The following KCNAB1 variants were observed in gnomAD, a reference collection of about 807,000 sequenced individuals.
KCNAB1 encodes the protein potassium voltage-gated channel subfamily A regulatory beta subunit 1.
Under a neutral mutation model 64.6 loss-of-function variants are expected in KCNAB1, and 35 were observed. That is an observed-to-expected ratio of 0.54 (90% CI 0.41 to 0.72). The LOEUF (loss-of-function observed/expected upper bound fraction) is 0.72. KCNAB1 is among the 30% of genes least tolerant of loss of function. The pLI is 0.00. For missense variants in KCNAB1, 401 were observed against 512.9 expected (o/e 0.78, Z 2.11); for synonymous variants, 177 against 183.8 (o/e 0.96, Z 0.30).
intron 1 of KCNAB1, among the ~76,000 whole-genome samples, chr3:156,414,913 G>A (rs951635575): frequency 6.6e-6 from 1 of 152,144 alleles, no homozygotes; most frequent in Non-Finnish European, 1.5e-5. Context: ...ATTTTCCCTG[G>A]TCTGGTGATC....
At chr3:156,233,764 G>A (rs920121446) in intron 1 of KCNAB1, among the ~76,000 whole-genome samples, 3 of 152,004 alleles carry the variant, frequency 2.0e-5, no homozygotes, top group African/African-American at 7.2e-5. Flanking sequence ...TAAAGAGCTG[G>A]GAAGACTTGC....
intron 8 of KCNAB1, among the ~76,000 whole-genome samples, chr3:156,480,631 A>G (rs1291619841): frequency 2.0e-5 from 3 of 152,084 alleles, no homozygotes; most frequent in Non-Finnish European, 2.9e-5. Flanking sequence ...AGCATGATCC[A>G]TTAGTATCCA....
chr3:156,224,007 G>C (rs1207437074), intron 1 of KCNAB1, among the ~76,000 whole-genome samples: 1 of 152,274 alleles, frequency 6.6e-6, no homozygotes, highest in Admixed American at 6.5e-5. Context: ...GCCCACTGCA[G>C]TTGGTTGGGG....
chr3:156,528,849 A>G (rs1576981198), intron 12 of KCNAB1, among the ~76,000 whole-genome samples: 1 of 152,322 alleles, frequency 6.6e-6, no homozygotes, highest in Non-Finnish European at 1.5e-5. Flanking sequence ...TTGCCAAGGT[A>G]AGAATTAAGA....
chr3:156,531,402 C>G lies in KCNAB1; in HGVS notation c.1082-7C>G. The G allele has an allele frequency of 6.2e-7, 1 of 1,607,702 alleles. No individual in the cohort carries two copies. The highest frequency in any genetic ancestry group is 8.5e-7 in the Non-Finnish European group (1 of 1,174,058). On this transcript the variant is annotated splice_polypyrimidine_tract_variant and splice_region_variant and intron_variant, in intron 12 of 13. Transcript: ENST00000490337. ...TGATAAACTGACCCAGTGTCCTCTC[C>G]TCCCAGCGTGGTGCCTGAGAAATGA...
chr3:156,475,138 A>G (rs997596285), intron 8 of KCNAB1, among the ~76,000 whole-genome samples: 1 of 152,214 alleles, frequency 6.6e-6, no homozygotes, highest in Non-Finnish European at 1.5e-5. Flanking sequence ...AAGGGGCTTT[A>G]TAACTCAGCC....
At chr3:156,435,282 A>C (rs1305795918) in intron 2 of KCNAB1, among the ~76,000 whole-genome samples, 1 of 152,190 alleles carries the variant, frequency 6.6e-6, no homozygotes, top group Non-Finnish European at 1.5e-5. Context: ...TTACCTGCTG[A>C]GGTTAAAGGA....
intron 1 of KCNAB1, among the ~76,000 whole-genome samples, chr3:156,331,170 A>C (rs1723303910): frequency 6.6e-6 from 1 of 152,208 alleles, no homozygotes; most frequent in Non-Finnish European, 1.5e-5. Context: ...GCTTGCAAAC[A>C]ATATTTTCTA....
Position 156,536,748 on chromosome 3 carries a change from G to A in KCNAB1, c.*1G>A, listed in dbSNP as rs774443716. 21 of 1,594,840 alleles carry A rather than the reference G, an allele frequency of 1.3e-5. No individual in the cohort carries two copies. The Admixed American group carries it at 2.8e-4, about 22-fold the overall frequency. On this transcript the variant is annotated 3_prime_UTR_variant, in exon 14 of 14. Transcript: ENST00000490337. Reference sequence around the variant, plus strand: ...CAGCAAGAAGGACTATAGATCATAAGGCAATGCATGAACCACAGAAGCTGC... The same window carrying A: ...CAGCAAGAAGGACTATAGATCATAAAGCAATGCATGAACCACAGAAGCTGC...
At chr3:156,467,580 T>C (rs997606635) in intron 7 of KCNAB1, among the ~76,000 whole-genome samples, 1 of 152,144 alleles carries the variant, frequency 6.6e-6, no homozygotes, top group African/African-American at 2.4e-5. Flanking sequence ...TCTATGGTTG[T>C]ACTGACTTAT....
intron 1 of KCNAB1, among the ~76,000 whole-genome samples, chr3:156,339,922 G>A (rs569693974): frequency 4.5e-4 from 69 of 152,258 alleles, no homozygotes; most frequent in South Asian, 3.9e-3. Flanking sequence ...TCACATTTCC[G>A]TGTCTGTCCT....
chr3:156,219,498 G>A (rs1452897874), intron 1 of KCNAB1, among the ~76,000 whole-genome samples: 10 of 151,914 alleles, frequency 6.6e-5, no homozygotes, highest in East Asian at 1.9e-4. Context: ...TGGTGTTCCC[G>A]AGGAAGAAGA....
At chr3:156,491,530 G>A (rs1325737591) in intron 8 of KCNAB1, among the ~76,000 whole-genome samples, 2 of 152,072 alleles carry the variant, frequency 1.3e-5, no homozygotes, top group Non-Finnish European at 2.9e-5. Context: ...CTCAGCCATG[G>A]ATATTAAATA....
At chr3:156,364,573 G>A (rs1049064234) in intron 1 of KCNAB1, among the ~76,000 whole-genome samples, 44 of 152,264 alleles carry the variant, frequency 2.9e-4, no homozygotes, top group African/African-American at 9.1e-4. Flanking sequence ...AAGGTCGGGA[G>A]TTCGAGACCA....
chr3:156,179,881 TGTAA>T (rs1371096679), intron 1 of KCNAB1, among the ~76,000 whole-genome samples: 1 of 152,214 alleles, frequency 6.6e-6, no homozygotes. Flanking sequence ...ATCATCCTAG[TGTAA>T]GTAATAATAT....
intron 1 of KCNAB1, among the ~76,000 whole-genome samples, chr3:156,404,723 C>CTCTG (rs1714134949): frequency 1.3e-5 from 2 of 152,184 alleles, no homozygotes; most frequent in South Asian, 4.1e-4. Flanking sequence ...AGGTGAAGTC[C>CTCTG]AGCCCTAAAG....
At chr3:156,304,661 G>C (rs923609260) in intron 1 of KCNAB1, among the ~76,000 whole-genome samples, 1 of 152,192 alleles carries the variant, frequency 6.6e-6, no homozygotes, top group African/African-American at 2.4e-5. Flanking sequence ...GAAAACCAGG[G>C]CAGAGGCAGG....
intron 7 of KCNAB1, 81 bp downstream of exon 7, chr3:156,465,767 C>T (rs769826425): frequency 1.1e-4 from 130 of 1,161,060 alleles, no homozygotes; most frequent in Non-Finnish European, 1.5e-4. Flanking sequence ...ATTCAGAACA[C>T]ACTGGAAGAG....
At chr3:156,242,789 GT>G (rs76800600) in intron 1 of KCNAB1, among the ~76,000 whole-genome samples, 9,884 of 128,108 alleles carry the variant, frequency 0.077, 1,104 homozygotes, top group African/African-American at 0.26. Flanking sequence ...ATTTTTTCAA[GT>G]TTTTTTTTTT....
Sources: gnomAD v4.1 joint callset for allele counts (sites outside exome capture counted in the v4.1 genomes callset) on GRCh38, gnomAD v4.1.1 for gene constraint, MANE v1.5 for transcripts, NCBI Gene and HGNC (gene_info 2026-07-23, HGNC 2026-07-21) for gene names.